The following SYNDIG1 variants were observed in gnomAD, a reference collection of about 807,000 sequenced individuals.
SYNDIG1 encodes the protein synapse differentiation inducing 1.
Under a neutral mutation model 19.4 loss-of-function variants are expected in SYNDIG1, and 9 were observed. That is an observed-to-expected ratio of 0.46 (90% CI 0.28 to 0.81). The LOEUF is 0.81. SYNDIG1 is among the 30% of genes least tolerant of loss of function. The probability of loss-of-function intolerance (pLI) is 0.12; values close to 1 mark genes in which losing one functional copy is unlikely to be tolerated. For synonymous variants in SYNDIG1, 141 were observed against 145.9 expected (o/e 0.97, Z 0.24); for missense variants, 311 against 343.3 (o/e 0.91, Z 0.74).
At chr20:24,541,429 A>G (rs1036726794) in intron 1 of SYNDIG1, among the ~76,000 whole-genome samples, 4 of 152,242 alleles carry the variant, frequency 2.6e-5, no homozygotes, top group African/African-American at 9.6e-5. Context: ...CAATAGTGTT[A>G]TAGAAAGAGA....
At chr20:24,491,559 A>C (rs1002158378) in intron 1 of SYNDIG1, 3 of 152,270 alleles carry the variant, frequency 2.0e-5, no homozygotes, top group Non-Finnish European at 4.4e-5. Flanking sequence ...CACCATCCCC[A>C]TAGCAGACCC....
chr20:24,524,802 C>T (rs961325120), intron 1 of SYNDIG1, among the ~76,000 whole-genome samples: 1 of 152,098 alleles, frequency 6.6e-6, no homozygotes, highest in African/African-American at 2.4e-5. Flanking sequence ...GAAGCAGGCT[C>T]CCTGGCTCTC....
At chr20:24,626,172 ACCCCCCACCTCCCT>A (rs2059128482) in intron 3 of SYNDIG1, among the ~76,000 whole-genome samples, 1 of 127,834 alleles carries the variant, frequency 7.8e-6, no homozygotes, top group Non-Finnish European at 1.6e-5. Context: ...CAGGGGGCTG[ACCCCCCACCTCCCT>A]CCCGGACGGG....
At chr20:24,522,539 A>T (rs776685865) in intron 1 of SYNDIG1, among the ~76,000 whole-genome samples, 1 of 151,944 alleles carries the variant, frequency 6.6e-6, no homozygotes, top group Non-Finnish European at 1.5e-5. Flanking sequence ...CTTCTTAGGG[A>T]TGTATTATTT....
chr20:24,588,548 C>G (rs1215007712), intron 3 of SYNDIG1, among the ~76,000 whole-genome samples: 1 of 152,274 alleles, frequency 6.6e-6, no homozygotes, highest in East Asian at 1.9e-4. Context: ...TGGGGCAAAG[C>G]CCAGGAATCT....
At chr20:24,537,680 G>A (rs2057388780) in intron 1 of SYNDIG1, among the ~76,000 whole-genome samples, 1 of 152,136 alleles carries the variant, frequency 6.6e-6, no homozygotes, top group South Asian at 2.1e-4. Flanking sequence ...GGGTTCATCG[G>A]GGATCCCTGC....
intron 2 of SYNDIG1, among the ~76,000 whole-genome samples, chr20:24,562,352 A>G (rs2057962945): frequency 6.6e-6 from 1 of 152,256 alleles, no homozygotes; most frequent in Admixed American, 6.5e-5. Flanking sequence ...ACAATTTTCA[A>G]AAATGAAATC....
At chr20:24,554,529 G>T (rs1294112500) in intron 2 of SYNDIG1, among the ~76,000 whole-genome samples, 1 of 152,140 alleles carries the variant, frequency 6.6e-6, no homozygotes, top group Admixed American at 6.5e-5. Context: ...GTTGAATTTT[G>T]TCAAAGGCCT....
chr20:24,495,969 C>T (rs2146341631), intron 1 of SYNDIG1, among the ~76,000 whole-genome samples: 1 of 152,262 alleles, frequency 6.6e-6, no homozygotes, highest in East Asian at 1.9e-4. Flanking sequence ...CTCAGCCTCC[C>T]GAGTAGCTGG....
At chr20:24,608,500 A>G (rs1469752701) in intron 3 of SYNDIG1, among the ~76,000 whole-genome samples, 1 of 152,098 alleles carries the variant, frequency 6.6e-6, no homozygotes, top group Non-Finnish European at 1.5e-5. Flanking sequence ...AACAGTGACA[A>G]TCCATCACCC....
At chr20:24,585,973 C>A (rs1395679130) in intron 3 of SYNDIG1, among the ~76,000 whole-genome samples, 2 of 152,242 alleles carry the variant, frequency 1.3e-5, no homozygotes, top group African/African-American at 4.8e-5. Flanking sequence ...GATTTCCTGG[C>A]TGAGCCCAGC....
chr20:24,655,782 A>G (rs1263099048), intron 3 of SYNDIG1, among the ~76,000 whole-genome samples: 1 of 152,188 alleles, frequency 6.6e-6, no homozygotes, highest in Non-Finnish European at 1.5e-5. Context: ...CATCAAAAAA[A>G]AAAAAAAAAG....
At chr20:24,490,569 C>T (rs185576979) in intron 1 of SYNDIG1, among the ~76,000 whole-genome samples, 42 of 152,292 alleles carry the variant, frequency 2.8e-4, no homozygotes, top group African/African-American at 9.6e-4. Context: ...CTCTGTGCCT[C>T]GGTTTCCTTA....
At chr20:24,614,639 G>A (rs1012766137) in intron 3 of SYNDIG1, among the ~76,000 whole-genome samples, 1 of 151,820 alleles carries the variant, frequency 6.6e-6, no homozygotes, top group Non-Finnish European at 1.5e-5. Flanking sequence ...GGGAAGGGGA[G>A]GGGAGGGGAA....
At chr20:24,632,687 G>A (rs925707777) in intron 3 of SYNDIG1, among the ~76,000 whole-genome samples, 2 of 152,234 alleles carry the variant, frequency 1.3e-5, no homozygotes, top group East Asian at 1.9e-4. Flanking sequence ...AGATGATAAC[G>A]TGGCCCTGCT....
intron 3 of SYNDIG1, among the ~76,000 whole-genome samples, chr20:24,629,207 C>G (rs1255119116): frequency 6.6e-6 from 1 of 152,208 alleles, no homozygotes; most frequent in Non-Finnish European, 1.5e-5. Flanking sequence ...CCCACACACT[C>G]CTCTGTGACA....
chr20:24,481,496 G>A (rs1287347732), intron 1 of SYNDIG1, among the ~76,000 whole-genome samples: 2 of 152,190 alleles, frequency 1.3e-5, no homozygotes, highest in Non-Finnish European at 2.9e-5. Context: ...TGTGAACATG[G>A]TCAAGACTGC....
At chr20:24,536,163 G>A (rs1055867440) in intron 1 of SYNDIG1, among the ~76,000 whole-genome samples, 9 of 152,180 alleles carry the variant, frequency 5.9e-5, no homozygotes, top group Non-Finnish European at 1.0e-4. Context: ...CCAGAGGGGC[G>A]TGGCCATGCT....
chr20:24,569,516 C>A (rs2146933059), intron 2 of SYNDIG1, among the ~76,000 whole-genome samples: 1 of 152,268 alleles, frequency 6.6e-6, no homozygotes, highest in Admixed American at 6.5e-5. Context: ...GGTGACTTGC[C>A]CAAGGGTCTC....
Sources: gnomAD v4.1 joint callset for allele counts (sites outside exome capture counted in the v4.1 genomes callset) on GRCh38, gnomAD v4.1.1 for gene constraint, MANE v1.5 for transcripts, NCBI Gene and HGNC (gene_info 2026-07-23, HGNC 2026-07-21) for gene names.